The following SCAPER variants were observed in gnomAD, a reference collection of about 807,000 sequenced individuals.
SCAPER encodes S phase cyclin A-associated protein in the endoplasmic reticulum.
SCAPER carries 98 observed loss-of-function variants against 182.2 expected under a neutral mutation model. That is an observed-to-expected ratio of 0.54 (90% CI 0.46 to 0.64). The LOEUF is 0.64. Among genes scored for constraint, SCAPER ranks in the 30% least tolerant of loss-of-function variants. SCAPER has a pLI of 0.00. For missense variants in SCAPER, 1,432 were observed against 1,690.0 expected, an observed-to-expected ratio of 0.85 and a Z score of 2.68; for synonymous variants, 605 against 564.6, an observed-to-expected ratio of 1.07 and a Z score of -1.01.
At chr15:76,785,084 T>A (rs549749409) in intron 8 of SCAPER, among the ~76,000 whole-genome samples, 35 of 152,202 alleles carry the variant, frequency 2.3e-4, no homozygotes, top group South Asian at 1.0e-3. Context: ...ACCGTCAGAG[T>A]GAACAGGCAT....
At chr15:76,365,922 C>T (rs936544342) in intron 29 of SCAPER, among the ~76,000 whole-genome samples, 4 of 152,036 alleles carry the variant, frequency 2.6e-5, no homozygotes, top group African/African-American at 9.7e-5. Context: ...TGCATAGGTA[C>T]GACATTTAAA....
intron 9 of SCAPER, among the ~76,000 whole-genome samples, chr15:76,773,593 A>T (rs1233677712): frequency 6.6e-6 from 1 of 151,980 alleles, no homozygotes; most frequent in Admixed American, 6.6e-5. Flanking sequence ...CCATATTGTT[A>T]GAAATTAAAA....
intron 1 of SCAPER, among the ~76,000 whole-genome samples, chr15:76,888,292 C>T (rs1440818371): frequency 6.6e-6 from 1 of 152,176 alleles, no homozygotes; most frequent in Non-Finnish European, 1.5e-5. Context: ...ATCGCAGCTC[C>T]TCACCAGCAA....
In SCAPER at chr15:76,354,305, C is replaced by CA; in HGVS notation, c.3856-166dup. On this transcript the variant is annotated intron_variant, in intron 29 of 31. Coordinates refer to ENST00000563290, the MANE Select transcript of SCAPER (RefSeq NM_020843.4). This position sits in a 1 kb window ranked among gnomAD's most constrained non-coding sequence, Gnocchi z 4.4. ...TAATTTAAGTGATACTTGAAAAGAG[C>CA]AGAAAAAAAAAATCTCATTTCCCAA... The CA allele has an allele frequency of 2.0e-6, 1 of 506,096 alleles. No homozygotes were observed. The highest frequency in any genetic ancestry group is 4.0e-5 in the South Asian group (1 of 25,102). The allele number at this position is 506,096 out of a possible 1,614,324, so 31.4% of individuals were successfully genotyped here.
In SCAPER at chr15:76,817,609, T is replaced by C. The variant is rs569643691; in HGVS notation, c.394-12976A>G. ...ACAAAAAGGTAACTATGTGAGGTGA[T>C]AGGTTCATTTGCTAGACTGCAGTAA... On this transcript the variant is annotated intron_variant, in intron 5 of 31. Transcript: ENST00000563290. Among the ~76,000 whole-genome samples, 13 of 152,294 alleles carry C rather than the reference T, an allele frequency of 8.5e-5. No homozygotes were observed. The South Asian group carries it at 1.0e-3, about 12-fold the overall frequency.
intron 3 of SCAPER, among the ~76,000 whole-genome samples, chr15:76,859,145 A>G (rs777327600): frequency 1.1e-4 from 17 of 152,168 alleles, no homozygotes; most frequent in Non-Finnish European, 2.2e-4. Flanking sequence ...CAAAATAGGA[A>G]TAAAATTCTA....
chr15:76,899,014 A>AC (rs1175937094), intron 1 of SCAPER, among the ~76,000 whole-genome samples: 3 of 152,230 alleles, frequency 2.0e-5, no homozygotes, highest in Admixed American at 6.5e-5. Context: ...TACCTTCATG[A>AC]TATTTGCCAT....
At chr15:76,873,294 G>A (rs1270897652) in intron 2 of SCAPER, among the ~76,000 whole-genome samples, 2 of 71,818 alleles carry the variant, frequency 2.8e-5, no homozygotes, top group Non-Finnish European at 5.8e-5. Context: ...AGGAAGGAAG[G>A]AAGGAAGGAA....
At chr15:76,395,731 A>G (rs1327544889) in intron 27 of SCAPER, among the ~76,000 whole-genome samples, 1 of 152,094 alleles carries the variant, frequency 6.6e-6, no homozygotes, top group African/African-American at 2.4e-5. Context: ...TTGAATTCTT[A>G]TATATTCTAG....
chr15:76,802,925 T>C (rs2065898844), intron 6 of SCAPER, among the ~76,000 whole-genome samples: 1 of 152,182 alleles, frequency 6.6e-6, no homozygotes, highest in East Asian at 1.9e-4. Context: ...AAAATAATAC[T>C]AAGTCCATTT....
At chr15:76,674,955 G>A (rs913859173) in intron 20 of SCAPER, among the ~76,000 whole-genome samples, 1 of 152,162 alleles carries the variant, frequency 6.6e-6, no homozygotes, top group African/African-American at 2.4e-5. Context: ...AGAAGCATGT[G>A]TTACTTTCGG....
intron 29 of SCAPER, among the ~76,000 whole-genome samples, chr15:76,363,102 G>A (rs1426957035): frequency 6.6e-6 from 1 of 152,248 alleles, no homozygotes; most frequent in Non-Finnish European, 1.5e-5. Context: ...TACCAGAGCA[G>A]TTGTTTAGGC....
At chr15:76,551,501 A>C (rs931859729) in intron 23 of SCAPER, among the ~76,000 whole-genome samples, 2 of 152,178 alleles carry the variant, frequency 1.3e-5, no homozygotes, top group African/African-American at 4.8e-5. Context: ...GTGGAATCTA[A>C]AAAAACAGAT....
intron 20 of SCAPER, among the ~76,000 whole-genome samples, chr15:76,687,464 T>A (rs2058094260): frequency 6.6e-6 from 1 of 152,132 alleles, no homozygotes; most frequent in Admixed American, 6.5e-5. Flanking sequence ...TTATTATACT[T>A]TAAGTTTGGG....
chr15:76,731,163 T>C (rs1299048894), intron 16 of SCAPER, among the ~76,000 whole-genome samples: 2 of 152,166 alleles, frequency 1.3e-5, no homozygotes, highest in Admixed American at 6.5e-5. Flanking sequence ...TGAATCTATA[T>C]AGCCACAAGG....
At chr15:76,408,731 C>T (rs2045049403) in intron 26 of SCAPER, among the ~76,000 whole-genome samples, 1 of 151,634 alleles carries the variant, frequency 6.6e-6, no homozygotes, top group Admixed American at 6.6e-5. Flanking sequence ...ACGGCTGGAA[C>T]ATTCTATGGT....
chr15:76,634,547 C>T (rs1425177890), intron 21 of SCAPER, among the ~76,000 whole-genome samples: 1 of 152,122 alleles, frequency 6.6e-6, no homozygotes, highest in Non-Finnish European at 1.5e-5. Flanking sequence ...ATCACCATCT[C>T]AAAAATATTA....
intron 27 of SCAPER, among the ~76,000 whole-genome samples, chr15:76,382,405 T>TAA (rs1410755960): frequency 6.9e-6 from 1 of 143,910 alleles, no homozygotes; most frequent in African/African-American, 2.5e-5. Context: ...TCACAGGTGT[T>TAA]AAAAAAAAAA....
chr15:76,459,201 T>TG (rs2048966784), intron 25 of SCAPER, among the ~76,000 whole-genome samples: 1 of 152,200 alleles, frequency 6.6e-6, no homozygotes, highest in Admixed American at 6.5e-5. Flanking sequence ...TGAATTAAAC[T>TG]TTTTTTAGCT....
Sources: allele counts gnomAD v4.1 joint callset (sites outside exome capture counted in the v4.1 genomes callset), GRCh38; gene constraint gnomAD v4.1.1; non-coding constraint Gnocchi (gnomAD v3.1); transcripts MANE v1.5; gene names NCBI Gene and HGNC (gene_info 2026-07-23, HGNC 2026-07-21).